FSTL1: variants seen among roughly 807,000 people sequenced by gnomAD.
The protein encoded by FSTL1 is follistatin-related protein 1.
FSTL1 carries 24 observed loss-of-function variants against 45.9 expected under a neutral mutation model. That is an observed-to-expected ratio of 0.52 (90% CI 0.38 to 0.74). FSTL1 has a LOEUF of 0.74. Ranked by LOEUF, FSTL1 falls within the 30% of genes least tolerant of loss-of-function variation. FSTL1 has a pLI of 0.00. For synonymous variants in FSTL1, 120 were observed against 137.6 expected (o/e 0.87, Z 0.89); for missense variants, 340 against 381.8 (o/e 0.89, Z 0.91).
chr3:120,426,701 G>A (rs1409858079), intron 2 of FSTL1, among the ~76,000 whole-genome samples: 7 of 152,140 alleles, frequency 4.6e-5, no homozygotes, highest in African/African-American at 9.7e-5. Context: ...TATTCTCGAC[G>A]GTGGTCCACA....
intron 2 of FSTL1, among the ~76,000 whole-genome samples, chr3:120,432,613 T>C (rs1937498409): frequency 6.6e-6 from 1 of 152,212 alleles, no homozygotes; most frequent in South Asian, 2.1e-4. Flanking sequence ...AGATTATCAT[T>C]TGTGGTAAAA....
intron 2 of FSTL1, among the ~76,000 whole-genome samples, chr3:120,442,537 T>C (rs1363693616): frequency 6.6e-6 from 1 of 152,006 alleles, no homozygotes; most frequent in Admixed American, 6.5e-5. Flanking sequence ...CCCAGCACTT[T>C]GGGAGGCTGA....
rs145865461 is a variant in FSTL1, at chr3:120,413,301, T to G, written c.169-1318A>C. ...AACACAAATTTCAGTGAACCAATAT[T>G]TATTATGGAGTGCTCACTATGTGCT... On this transcript the variant is annotated intron_variant, in intron 3 of 10. Coordinates refer to ENST00000295633, the MANE Select transcript of FSTL1 (RefSeq NM_007085.5). Among the ~76,000 whole-genome samples, 894 of 152,292 alleles carry G rather than the reference T, an allele frequency of 5.9e-3. 8 individuals are homozygous for G. The highest frequency in any genetic ancestry group is 0.02 in the African/African-American group (825 of 41,558).
At chr3:120,415,003 T>TA (rs138778788) in intron 3 of FSTL1, among the ~76,000 whole-genome samples, 21 of 147,446 alleles carry the variant, frequency 1.4e-4, no homozygotes, top group African/African-American at 3.0e-4. Context: ...ATAAATAAAT[T>TA]AAAAAAAAAA....
intron 2 of FSTL1, among the ~76,000 whole-genome samples, chr3:120,420,547 C>T (rs1322486025): frequency 1.3e-5 from 2 of 152,184 alleles, no homozygotes. Context: ...GATTTGGTCT[C>T]ATTAATTTTC....
At chr3:120,447,841 T>C (rs967322176) in intron 2 of FSTL1, among the ~76,000 whole-genome samples, 2 of 152,164 alleles carry the variant, frequency 1.3e-5, no homozygotes, top group African/African-American at 2.4e-5. Context: ...TGTAGAGATA[T>C]GGTCTCACGA....
At chr3:120,445,817 T>C (rs1015388656) in intron 2 of FSTL1, among the ~76,000 whole-genome samples, 5 of 150,028 alleles carry the variant, frequency 3.3e-5, no homozygotes, top group Non-Finnish European at 7.3e-5. Context: ...CCATGCCTTG[T>C]GCTTCACTGT....
chr3:120,450,557 C>A, intron 2 of FSTL1, 127 bp downstream of exon 2: 1 of 558,352 alleles, frequency 1.8e-6, no homozygotes, highest in Non-Finnish European at 3.0e-6. Context: ...CACCCCAGCA[C>A]ACCCCAAGGA....
chr3:120,409,215 G>T (rs1392350392), intron 6 of FSTL1, among the ~76,000 whole-genome samples: 2 of 152,224 alleles, frequency 1.3e-5, no homozygotes, highest in East Asian at 3.8e-4. Flanking sequence ...TTAACAGCCA[G>T]ATCCATAAGG....
chr3:120,415,948 C>T lies in FSTL1; in HGVS notation c.143G>A (p.Gly48Glu), dbSNP rs997663208. Residue 48 changes from glycine to glutamate, a missense_variant, in exon 3 of 11, where the codon GGG (glycine) becomes GAG (glutamate). By Grantham distance (98) the Gly-to-Glu change is moderately conservative. Transcript: ENST00000295633. ...CTCAATGCAGAGACAGGTGGGTTCC[C>T]CTTTCTCTGTGACTGCACATTCCCG... The part of the protein sequence containing the change: ...AGRECAVTEK[G>E]EPTCLCIEQC... 7.4e-6 allele frequency: 12 copies of T among 1,613,192 alleles called. No individual in the cohort carries two copies. In the East Asian group the frequency reaches 2.7e-4, roughly 36 times the overall value.
At chr3:120,403,774 A>G (rs533960060) in intron 7 of FSTL1, among the ~76,000 whole-genome samples, 39 of 152,260 alleles carry the variant, frequency 2.6e-4, no homozygotes, top group Admixed American at 7.8e-4. Flanking sequence ...ATTTGAAAGA[A>G]TATGAAGTTC....
At chr3:120,412,838 G>GCACACACACACACACA (rs71156798) in intron 3 of FSTL1, among the ~76,000 whole-genome samples, 1 of 106,192 alleles carries the variant, frequency 9.4e-6, no homozygotes, top group East Asian at 3.0e-4. Context: ...GCGCGCGCGC[G>GCACACACACACACACA]CACACACACA....
chr3:120,442,788 GA>G (rs749297340), intron 2 of FSTL1, among the ~76,000 whole-genome samples: 7,053 of 53,230 alleles, frequency 0.13, 143 homozygotes, highest in Non-Finnish European at 0.15. Flanking sequence ...TCTCAAAAAA[GA>G]AAAAAAAAAA....
chr3:120,409,474 G>T, intron 6 of FSTL1, 58 bp downstream of exon 6: 1 of 1,502,870 alleles, frequency 6.7e-7, no homozygotes, highest in South Asian at 1.1e-5. Context: ...CGGGCAATGG[G>T]AGGAGGAAGC....
intron 2 of FSTL1, among the ~76,000 whole-genome samples, chr3:120,426,046 G>C (rs1937373699): frequency 6.6e-6 from 1 of 152,174 alleles, no homozygotes; most frequent in South Asian, 2.1e-4. Flanking sequence ...CTTCATTCCT[G>C]CCAAGAACCT....
At chr3:120,445,457 C>T (rs547962911) in intron 2 of FSTL1, among the ~76,000 whole-genome samples, 2 of 148,820 alleles carry the variant, frequency 1.3e-5, no homozygotes, top group South Asian at 2.1e-4. Context: ...ATGAAATGTA[C>T]CCTAGATCAT....
At chr3:120,418,234 C>T (rs1488845018) in intron 2 of FSTL1, among the ~76,000 whole-genome samples, 3 of 152,140 alleles carry the variant, frequency 2.0e-5, no homozygotes, top group Non-Finnish European at 2.9e-5. Context: ...TATAGGGAAA[C>T]CCTGCAAGAA....
chr3:120,450,254 T>C (rs1412036283), intron 2 of FSTL1, among the ~76,000 whole-genome samples: 3 of 152,178 alleles, frequency 2.0e-5, no homozygotes, highest in African/African-American at 7.2e-5. Context: ...AAATTAATTT[T>C]GCCCCAAAAG....
At chr3:120,433,351 T>C (rs1937509297) in intron 2 of FSTL1, among the ~76,000 whole-genome samples, 2 of 152,220 alleles carry the variant, frequency 1.3e-5, no homozygotes, top group Non-Finnish European at 2.9e-5. Flanking sequence ...GCAAGTGCTG[T>C]CAACCATCTT....
Sources: gnomAD v4.1 joint callset for allele counts (sites outside exome capture counted in the v4.1 genomes callset) on GRCh38, gnomAD v4.1.1 for gene constraint, MANE v1.5 for transcripts, NCBI Gene and HGNC (gene_info 2026-07-23, HGNC 2026-07-21) for gene names.